CD86: variants seen among roughly 807,000 people sequenced by gnomAD.
CD86 encodes the protein T-lymphocyte activation antigen CD86.
CD86 carries 11 observed loss-of-function variants against 32.1 expected under a neutral mutation model. That is an observed-to-expected ratio of 0.34 (90% confidence interval 0.22 to 0.57). The LOEUF (loss-of-function observed/expected upper bound fraction) is 0.57. Ranked by LOEUF, CD86 falls within the 20% of genes least tolerant of loss-of-function variation. CD86 has a pLI of 0.86. For synonymous variants in CD86, 137 were observed against 135.3 expected, an observed-to-expected ratio of 1.01 and a Z score of -0.09; for missense variants, 359 against 398.4, an observed-to-expected ratio of 0.90 and a Z score of 0.84.
At chr3:122,056,269 G>A (rs1241234663) in intron 1 of CD86, among the ~76,000 whole-genome samples, 1 of 152,162 alleles carries the variant, frequency 6.6e-6, no homozygotes, top group Non-Finnish European at 1.5e-5. Flanking sequence ...AGACTTCCTG[G>A]AAGGAGTCAC....
intron 1 of CD86, among the ~76,000 whole-genome samples, chr3:122,062,303 A>G (rs2715277): frequency 0.16 from 24,331 of 152,100 alleles, 2,100 homozygotes; most frequent in Non-Finnish European, 0.2. Flanking sequence ...CTGGAAAGCA[A>G]TATGTCAACA....
intron 1 of CD86, among the ~76,000 whole-genome samples, chr3:122,058,851 G>A (rs753423956): frequency 2.6e-5 from 4 of 152,138 alleles, no homozygotes; most frequent in East Asian, 3.9e-4. Flanking sequence ...GAGAAATGGC[G>A]AGGGCATGAA....
intron 5 of CD86, among the ~76,000 whole-genome samples, chr3:122,114,712 T>C (rs1041190397): frequency 2.6e-5 from 4 of 152,128 alleles, no homozygotes; most frequent in African/African-American, 9.7e-5. Context: ...CATTCAAAAA[T>C]CAGGCAATAA....
intron 1 of CD86, among the ~76,000 whole-genome samples, chr3:122,072,858 T>G (rs1465864034): frequency 6.6e-6 from 1 of 152,102 alleles, no homozygotes. Context: ...GTTTTTATGG[T>G]TTTAGGTCTA....
chr3:122,118,887 A>G (rs1384658654), intron 6 of CD86, among the ~76,000 whole-genome samples: 1 of 152,198 alleles, frequency 6.6e-6, no homozygotes. Context: ...TGAAGCTATC[A>G]GATAGTCTGT....
intron 1 of CD86, among the ~76,000 whole-genome samples, chr3:122,056,417 C>A (rs2107491931): frequency 6.6e-6 from 1 of 152,338 alleles, no homozygotes; most frequent in South Asian, 2.1e-4. Context: ...TCACTGCAAC[C>A]TCCGCCTCTC....
intron 1 of CD86, among the ~76,000 whole-genome samples, chr3:122,073,638 A>G (rs950548710): frequency 2.0e-5 from 3 of 152,002 alleles, no homozygotes; most frequent in African/African-American, 7.3e-5. Flanking sequence ...ATTAAAGGGG[A>G]GTGTCAAGTC....
intron 1 of CD86, among the ~76,000 whole-genome samples, chr3:122,074,322 T>C (rs1401749971): frequency 6.6e-6 from 1 of 152,170 alleles, no homozygotes; most frequent in Admixed American, 6.5e-5. Context: ...TCTTCCTCTC[T>C]TTTCACCTCT....
chr3:122,104,414 C>T (rs1443785611), intron 3 of CD86, among the ~76,000 whole-genome samples: 1 of 152,194 alleles, frequency 6.6e-6, no homozygotes, highest in East Asian at 1.9e-4. Context: ...AAACCAGCTC[C>T]TCTGCTTCAC....
Position 122,119,890 on chromosome 3 carries a change from T to G in CD86, c.*356T>G, listed in dbSNP as rs1229677337. The G allele has an allele frequency of 5.8e-6, 1 of 173,220 alleles. No homozygotes were observed. The highest frequency in any genetic ancestry group is 2.4e-5 in the African/African-American group (1 of 41,788). 10.7% of individuals were successfully genotyped at this position (173,220 alleles called of 1,614,324 possible). On this transcript the variant is annotated 3_prime_UTR_variant, in exon 7 of 7. Transcript: ENST00000330540. ...TTTTTTTTAAATAGACCTCTCAATT[T>G]CTGGAAAACTGCCTTTTATCTGCCC...
chr3:122,064,334 G>T (rs1045191243), intron 1 of CD86, among the ~76,000 whole-genome samples: 2 of 152,112 alleles, frequency 1.3e-5, no homozygotes, highest in Admixed American at 1.3e-4. Flanking sequence ...TGGAAATAGG[G>T]TTATTTCTTT....
chr3:122,086,486 C>G (rs2072722327), intron 1 of CD86: 1 of 429,542 alleles, frequency 2.3e-6, no homozygotes, highest in South Asian at 1.6e-5. Context: ...CAAAGATACC[C>G]CTTCTTAGTT....
chr3:122,092,369 A>G lies in CD86; in HGVS notation c.64+719A>G, dbSNP rs188491201. ...AAATTTGAATAAGTAAGATATTGTA[A>G]CCACAATAAGTTATGACCACTGTCT... On this transcript the variant is annotated intron_variant, in intron 2 of 6. Coordinates refer to ENST00000330540, the MANE Select transcript of CD86 (RefSeq NM_175862.5). 3.5e-3 allele frequency among the ~76,000 whole-genome samples: 527 copies of G among 152,190 alleles called. 3 individuals carry two copies. Among genetic ancestry groups the G allele is most frequent in the Admixed American group, 8.6e-3 (132 of 15,292 alleles).
chr3:122,118,135 T>TCC (rs1217145132), intron 6 of CD86, 42 bp downstream of exon 6: 1 of 1,519,020 alleles, frequency 6.6e-7, no homozygotes, highest in South Asian at 1.1e-5. Flanking sequence ...AGAGGTATAA[T>TCC]CCCCAGAGTG....
chr3:122,092,501 A>G (rs1318973387), intron 2 of CD86, among the ~76,000 whole-genome samples: 2 of 151,256 alleles, frequency 1.3e-5, no homozygotes, highest in Non-Finnish European at 2.9e-5. Context: ...ACTATCCACC[A>G]CCTCCCCTCA....
intron 1 of CD86, among the ~76,000 whole-genome samples, chr3:122,060,019 T>G (rs896172685): frequency 6.6e-6 from 1 of 151,970 alleles, no homozygotes; most frequent in African/African-American, 2.4e-5. Context: ...AAAAAATAAA[T>G]TTTTTTTGTT....
chr3:122,081,443 A>C (rs1006088543), intron 1 of CD86, among the ~76,000 whole-genome samples: 1 of 152,264 alleles, frequency 6.6e-6, no homozygotes, highest in African/African-American at 2.4e-5. Flanking sequence ...TTTCGGAAGC[A>C]TCAGTTCTTT....
intron 5 of CD86, among the ~76,000 whole-genome samples, chr3:122,114,777 T>C (rs963819123): frequency 1.3e-5 from 2 of 152,210 alleles, no homozygotes; most frequent in African/African-American, 4.8e-5. Flanking sequence ...TGTCAATGGA[T>C]ACAGGAAAAA....
chr3:122,113,755 G>C (rs1424355426), intron 5 of CD86, among the ~76,000 whole-genome samples: 1 of 152,144 alleles, frequency 6.6e-6, no homozygotes, highest in Non-Finnish European at 1.5e-5. Flanking sequence ...TGGGAACTCA[G>C]TCAATTAAGA....
Sources: allele counts gnomAD v4.1 joint callset (sites outside exome capture counted in the v4.1 genomes callset), GRCh38; gene constraint gnomAD v4.1.1; transcripts MANE v1.5; gene names NCBI Gene and HGNC (gene_info 2026-07-23, HGNC 2026-07-21).